Variants in TRPC6 observed in about 807,000 individuals in gnomAD.
The protein encoded by TRPC6 is transient receptor potential cation channel subfamily C member 6.
TRPC6 carries 55 observed loss-of-function variants against 90.7 expected under a neutral mutation model. The observed-to-expected ratio is 0.61, with a 90% CI of 0.49 to 0.76. The LOEUF is 0.76. Ranked by LOEUF, TRPC6 falls within the 30% of genes least tolerant of loss-of-function variation. TRPC6 has a pLI of 0.00. For missense variants in TRPC6, 989 were observed against 1,122.7 expected (o/e 0.88, Z 1.70); for synonymous variants, 393 against 393.0 (o/e 1.00, Z 0.00).
intron 10 of TRPC6, among the ~76,000 whole-genome samples, chr11:101,460,927 C>T (rs1858991000): frequency 6.6e-6 from 1 of 152,154 alleles, no homozygotes; most frequent in Admixed American, 6.5e-5. Context: ...CGTAAGAAAA[C>T]ATAATGGGCC....
chr11:101,546,282 C>A (rs1435474285), intron 1 of TRPC6, among the ~76,000 whole-genome samples: 2 of 120,528 alleles, frequency 1.7e-5, no homozygotes, highest in Non-Finnish European at 3.5e-5. Flanking sequence ...CCTTGTTAGC[C>A]AGGATGGTCT....
Position 101,495,592 on chromosome 11 carries a change from AT to A in TRPC6, c.946-3855del, listed in dbSNP as rs1859923137. ...CACAGGGTAGTGCAGATCAATGGTA[AT>A]TATTATTATTATTATTATTATTATT... is the stretch of plus-strand genomic sequence containing the variant. On this transcript the variant is annotated intron_variant, in intron 2 of 12. Transcript: ENST00000344327. Among the ~76,000 whole-genome samples the A allele has an allele frequency of 2.3e-4, 11 of 47,030 alleles. No homozygotes were observed. In the South Asian group the frequency reaches 6.3e-3, roughly 27 times the overall value. The allele number at this position is 47,030 out of a possible 152,430, so 30.9% of individuals were successfully genotyped here.
At chr11:101,457,191 G>C (rs999097921) in intron 10 of TRPC6, among the ~76,000 whole-genome samples, 1 of 152,266 alleles carries the variant, frequency 6.6e-6, no homozygotes, top group Middle Eastern at 3.4e-3. Context: ...TGGGAAGCTT[G>C]TTGACTACAA....
rs145652328 is a variant in TRPC6 at position 101,504,701 on chromosome 11, C to T, written c.268G>A (p.Asp90Asn). 3 of 1,593,950 alleles carry T rather than the reference C, an allele frequency of 1.9e-6. No individual in the cohort carries two copies. The African/African-American group carries it at 4.0e-5, about 21-fold the overall frequency. ...TCTATAGATAGGCTTGTGGAGCGAT[C>T]ACTAAACATGTATGCTGGTCCTCGA... ...ANRGPAYMFS[D>N]RSTSLSIEEE... The change falls in exon 2 of 13, where the codon GAT (aspartate) becomes AAT (asparagine). Residue 90 changes from aspartate (D) to asparagine (N), a missense_variant. Asp to Asn is a conservative substitution (Grantham distance 23). This residue lies in a region of TRPC6 where 194 missense variants were observed against 136.5 expected (regional missense o/e 1.42). Transcript: ENST00000344327.
chr11:101,473,009 A>T (rs1187550005), intron 7 of TRPC6, among the ~76,000 whole-genome samples: 1 of 152,060 alleles, frequency 6.6e-6, no homozygotes, highest in African/African-American at 2.4e-5. Context: ...ATAAGTCAAA[A>T]CTCTTGCCAC....
intron 10 of TRPC6, among the ~76,000 whole-genome samples, chr11:101,462,530 C>T (rs10791473): frequency 0.31 from 46,893 of 152,018 alleles, 9,380 homozygotes; most frequent in African/African-American, 0.57. Flanking sequence ...CTTCACATCC[C>T]TTGTAAGTTG....
chr11:101,577,414 A>G (rs939534980), intron 1 of TRPC6, among the ~76,000 whole-genome samples: 4 of 152,230 alleles, frequency 2.6e-5, no homozygotes, highest in Non-Finnish European at 5.9e-5. Flanking sequence ...CTTTGGGGTC[A>G]GAGAGTAAAG....
At chr11:101,569,522 T>C (rs1458418201) in intron 1 of TRPC6, among the ~76,000 whole-genome samples, 2 of 152,176 alleles carry the variant, frequency 1.3e-5, no homozygotes, top group African/African-American at 2.4e-5. Flanking sequence ...TCAGACCTAA[T>C]AGACATCTAC....
At chr11:101,484,979 T>C (rs148057041) in intron 4 of TRPC6, among the ~76,000 whole-genome samples, 1 of 152,094 alleles carries the variant, frequency 6.6e-6, no homozygotes, top group Non-Finnish European at 1.5e-5. Context: ...TTTCTTTGTG[T>C]TGAGAATATT....
intron 1 of TRPC6, among the ~76,000 whole-genome samples, chr11:101,536,866 G>T (rs918586895): frequency 5.3e-5 from 8 of 152,336 alleles, no homozygotes; most frequent in African/African-American, 1.9e-4. Flanking sequence ...TGGGAGGGTA[G>T]CAAGACTAGA....
chr11:101,556,679 G>A (rs937896410), intron 1 of TRPC6, among the ~76,000 whole-genome samples: 1 of 152,054 alleles, frequency 6.6e-6, no homozygotes, highest in Non-Finnish European at 1.5e-5. Flanking sequence ...AATTAAACAG[G>A]AGGGAATACT....
intron 1 of TRPC6, among the ~76,000 whole-genome samples, chr11:101,537,124 T>G (rs1861067782): frequency 6.6e-6 from 1 of 152,248 alleles, no homozygotes; most frequent in Non-Finnish European, 1.5e-5. Flanking sequence ...TAATGCAGAC[T>G]TTGAACCGCA....
At chr11:101,459,328 T>C (rs1272927333) in intron 10 of TRPC6, among the ~76,000 whole-genome samples, 2 of 152,166 alleles carry the variant, frequency 1.3e-5, no homozygotes, top group East Asian at 3.9e-4. Context: ...GACGATTGTC[T>C]GGGAAAGTCA....
At chr11:101,564,626 ATT>A (rs1861789464) in intron 1 of TRPC6, among the ~76,000 whole-genome samples, 1 of 152,144 alleles carries the variant, frequency 6.6e-6, no homozygotes, top group African/African-American at 2.4e-5. Context: ...AAAAATCGAT[ATT>A]GTTAAACCTT....
intron 1 of TRPC6, among the ~76,000 whole-genome samples, chr11:101,525,250 T>G (rs949909858): frequency 9.9e-5 from 15 of 152,242 alleles, no homozygotes; most frequent in Non-Finnish European, 2.1e-4. Context: ...TTGGCTCGAA[T>G]CCTAGCTTAT....
intron 5 of TRPC6, among the ~76,000 whole-genome samples, chr11:101,478,843 G>A (rs1859478259): frequency 6.6e-6 from 1 of 152,176 alleles, no homozygotes; most frequent in African/African-American, 2.4e-5. Flanking sequence ...GGTAGCAAAT[G>A]AGTCAGCTCC....
intron 1 of TRPC6, among the ~76,000 whole-genome samples, chr11:101,522,624 C>A (rs1860688551): frequency 1.3e-5 from 2 of 152,110 alleles, no homozygotes; most frequent in Admixed American, 1.3e-4. Flanking sequence ...TCACTAACAT[C>A]TGTACATTTT....
intron 10 of TRPC6, among the ~76,000 whole-genome samples, chr11:101,461,896 C>T (rs982475727): frequency 1.1e-4 from 17 of 152,106 alleles, no homozygotes; most frequent in African/African-American, 4.1e-4. Context: ...GAGGAAGAAA[C>T]GGGCATGTGA....
At chr11:101,537,185 A>T (rs1432712265) in intron 1 of TRPC6, among the ~76,000 whole-genome samples, 1 of 152,216 alleles carries the variant, frequency 6.6e-6, no homozygotes, top group African/African-American at 2.4e-5. Context: ...TTCCAATTTA[A>T]AACCAAATTC....
Sources: gnomAD v4.1 joint callset for allele counts (sites outside exome capture counted in the v4.1 genomes callset) on GRCh38, gnomAD v4.1.1 for gene constraint, gnomAD v4.1.1 regional missense constraint, MANE v1.5 for transcripts, NCBI Gene and HGNC (gene_info 2026-07-23, HGNC 2026-07-21) for gene names.